HFM1: variants seen among roughly 807,000 people sequenced by gnomAD.
HFM1 encodes helicase for meiosis 1.
In HFM1, 169 loss-of-function variants were observed where a neutral mutation model predicts 192.1. The ratio of observed to expected loss-of-function variants is 0.88; its 90% CI spans 0.78 to 1.00. HFM1 has a LOEUF of 1.00. Among genes scored for constraint, HFM1 ranks in the 50% least tolerant of loss-of-function variants. The probability of loss-of-function intolerance (pLI) is 0.00; values close to 1 mark genes in which losing one functional copy is unlikely to be tolerated. For missense variants in HFM1, 1,661 were observed against 1,668.0 expected, an observed-to-expected ratio of 1.00 and a Z score of 0.07; for synonymous variants, 525 against 537.8, an observed-to-expected ratio of 0.98 and a Z score of 0.33.
intron 11 of HFM1, among the ~76,000 whole-genome samples, chr1:91,376,777 C>A (rs914170595): frequency 1.3e-5 from 2 of 151,588 alleles, no homozygotes; most frequent in Admixed American, 6.6e-5. Context: ...AATAATAATT[C>A]CATTATTATA....
At chr1:91,295,980 G>C (rs1241386336) in intron 30 of HFM1, among the ~76,000 whole-genome samples, 1 of 152,028 alleles carries the variant, frequency 6.6e-6, no homozygotes, top group Non-Finnish European at 1.5e-5. Flanking sequence ...ACCCAGGCTG[G>C]AGTGCAGTGG....
At chr1:91,358,693 G>A (rs1379109562) in intron 13 of HFM1, among the ~76,000 whole-genome samples, 1 of 152,178 alleles carries the variant, frequency 6.6e-6, no homozygotes, top group Non-Finnish European at 1.5e-5. Flanking sequence ...ACTCCCAGAA[G>A]AGAACATAGG....
At chr1:91,350,662 C>T in intron 18 of HFM1, 76 bp downstream of exon 18, 7 of 1,344,450 alleles carry the variant, frequency 5.2e-6, no homozygotes, top group Non-Finnish European at 5.2e-6. Context: ...ATCTATCTAT[C>T]CTGTAACTTA....
chr1:91,374,993 A>G (rs1233877305), intron 13 of HFM1, among the ~76,000 whole-genome samples: 1 of 152,124 alleles, frequency 6.6e-6, no homozygotes, highest in African/African-American at 2.4e-5. Flanking sequence ...AATCAGTAGA[A>G]ATGATCATGG....
intron 20 of HFM1, among the ~76,000 whole-genome samples, chr1:91,325,031 A>G (rs1284280026): frequency 1.3e-5 from 2 of 152,184 alleles, no homozygotes; most frequent in Non-Finnish European, 2.9e-5. Flanking sequence ...TAGAGCAACA[A>G]GGAGGCTCTT....
At chr1:91,266,947 C>T (rs554527061) in intron 35 of HFM1, among the ~76,000 whole-genome samples, 4 of 152,272 alleles carry the variant, frequency 2.6e-5, no homozygotes, top group African/African-American at 9.6e-5. Flanking sequence ...AATAACATTT[C>T]AACTTCTAAC....
At chr1:91,326,308 C>T (rs927858373) in intron 20 of HFM1, among the ~76,000 whole-genome samples, 24 of 152,030 alleles carry the variant, frequency 1.6e-4, no homozygotes, top group African/African-American at 5.6e-4. Flanking sequence ...GGCTACCTCA[C>T]GGTATTTAAT....
chr1:91,368,007 G>A (rs1659616391), intron 13 of HFM1, among the ~76,000 whole-genome samples: 1 of 152,060 alleles, frequency 6.6e-6, no homozygotes, highest in South Asian at 2.1e-4. Context: ...TATCAGGGAT[G>A]GAAGATCAAA....
At chr1:91,397,187 G>T (rs9324372) in intron 2 of HFM1, among the ~76,000 whole-genome samples, 15,461 of 152,116 alleles carry the variant, frequency 0.1, 852 homozygotes, top group East Asian at 0.18. Context: ...TGTCCTAACC[G>T]AAATATTCTT....
chr1:91,298,567 C>T (rs1462616687), intron 30 of HFM1, among the ~76,000 whole-genome samples: 1 of 152,140 alleles, frequency 6.6e-6, no homozygotes, highest in African/African-American at 2.4e-5. Context: ...AAGGGAAATC[C>T]ATCAGACTAA....
chr1:91,308,092 C>G (rs1649904839), intron 30 of HFM1, among the ~76,000 whole-genome samples: 1 of 152,112 alleles, frequency 6.6e-6, no homozygotes, highest in African/African-American at 2.4e-5. Context: ...GTATTTGCCT[C>G]TGTTTGGGGT....
At chr1:91,316,656 T>C (rs1651268971) in intron 25 of HFM1, among the ~76,000 whole-genome samples, 180 bp from the exon 26 acceptor site, 1 of 151,012 alleles carries the variant, frequency 6.6e-6, no homozygotes, top group Admixed American at 6.7e-5. Flanking sequence ...ATTATTCAAT[T>C]ATTCATATTT....
chr1:91,323,017 GCAAAACA>G lies in HFM1; in HGVS notation c.2535-27_2535-21del. 1 of 1,358,638 alleles carries G rather than the reference GCAAAACA, an allele frequency of 7.4e-7. No individual in the cohort carries two copies. Among genetic ancestry groups the G allele is most frequent in the African/African-American group, 1.5e-5 (1 of 66,186 alleles). 84.2% of individuals were successfully genotyped at this position (1,358,638 alleles called of 1,614,324 possible). A position where few individuals can be genotyped will look rare whatever the true frequency, so the allele number is the denominator to read the frequency against. ...GGAAATCTGTAAATAAAACCACATG[GCAAAACA>G]TTTATTATTATTTATTTTAATTAAA... On this transcript the variant is annotated intron_variant, in intron 22 of 38. Transcript: ENST00000370425.
At chr1:91,266,181 C>G in intron 35 of HFM1, 74 bp from the exon 36 acceptor site, 1 of 1,123,336 alleles carries the variant, frequency 8.9e-7, no homozygotes, top group Non-Finnish European at 1.3e-6. Context: ...AGTTCTACAA[C>G]GTTCTCTCCA....
At chr1:91,378,522 G>A in intron 9 of HFM1, 42 bp from the exon 10 acceptor site, 1 of 1,157,074 alleles carries the variant, frequency 8.6e-7, no homozygotes, top group Non-Finnish European at 1.3e-6. Flanking sequence ...AATGTGATAA[G>A]GAATTATAAT....
At chr1:91,397,940 A>C (rs1663864945) in intron 2 of HFM1, among the ~76,000 whole-genome samples, 1 of 152,190 alleles carries the variant, frequency 6.6e-6, no homozygotes. Flanking sequence ...ACATTAACAT[A>C]AGCATCCCCT....
chr1:91,306,284 A>T (rs1044222042), intron 30 of HFM1, among the ~76,000 whole-genome samples: 4 of 152,210 alleles, frequency 2.6e-5, no homozygotes, highest in African/African-American at 9.6e-5. Flanking sequence ...GTGAGCCGAG[A>T]TTGCACCATT....
intron 13 of HFM1, among the ~76,000 whole-genome samples, chr1:91,370,840 C>T (rs1660086682): frequency 6.6e-6 from 1 of 152,140 alleles, no homozygotes; most frequent in Admixed American, 6.5e-5. Flanking sequence ...ATTTAGAAAA[C>T]CCCATGTTCC....
intron 30 of HFM1, among the ~76,000 whole-genome samples, chr1:91,303,406 A>G (rs1184158981): frequency 6.6e-6 from 1 of 152,140 alleles, no homozygotes; most frequent in Non-Finnish European, 1.5e-5. Context: ...TTGCTTATCT[A>G]TTCATCAGTT....
Sources: gnomAD v4.1 joint callset for allele counts (sites outside exome capture counted in the v4.1 genomes callset) on GRCh38, gnomAD v4.1.1 for gene constraint, MANE v1.5 for transcripts, NCBI Gene and HGNC (gene_info 2026-07-23, HGNC 2026-07-21) for gene names.